Variants in IL12B observed in about 807,000 individuals in gnomAD.
IL12B encodes the protein interleukin-12 subunit beta.
A neutral mutation model predicts 39.2 loss-of-function variants in IL12B; 27 were observed. The ratio of observed to expected loss-of-function variants is 0.69; its 90% CI spans 0.51 to 0.95. IL12B has a LOEUF of 0.95. IL12B is among the 40% of genes least tolerant of loss of function. IL12B has a pLI of 0.00. For synonymous variants in IL12B, 142 were observed against 152.1 expected (o/e 0.93, Z 0.49); for missense variants, 351 against 397.6 (o/e 0.88, Z 1.00).
rs199527043 is a variant in IL12B at position 159,318,880 on chromosome 5, T to C, written c.711A>G (p.Pro237=). 3.1e-6 allele frequency: 5 copies of C among 1,614,022 alleles called. No individual in the cohort carries two copies. The highest frequency in any genetic ancestry group is 4.2e-6 in the Non-Finnish European group (5 of 1,179,982). ...ATGGCTTCAGCTGCAAGTTCTTGGG[T>C]GGGTCAGGTTTGACTGTGGAAGAGG... ...FFIRDIIKPD[P]PKNLQLKPLK... The change falls in exon 6 of 8, where the codon CCA becomes CCG. Residue 237 remains proline, a synonymous_variant. Transcript: ENST00000231228.
chr5:159,324,117 A>C (rs138210841), intron 2 of IL12B, among the ~76,000 whole-genome samples: 1 of 151,682 alleles, frequency 6.6e-6, no homozygotes, highest in Non-Finnish European at 1.5e-5. Flanking sequence ...TATTATTATT[A>C]TTTTTAGCTA....
At chr5:159,324,248 G>C (rs1478883401) in intron 2 of IL12B, among the ~76,000 whole-genome samples, 1 of 152,182 alleles carries the variant, frequency 6.6e-6, no homozygotes, top group Non-Finnish European at 1.5e-5. Flanking sequence ...CTACAGCTCA[G>C]ACCTTTTGTC....
chr5:159,319,382 A>G (rs1198643992), intron 5 of IL12B, among the ~76,000 whole-genome samples: 1 of 152,144 alleles, frequency 6.6e-6, no homozygotes, highest in Non-Finnish European at 1.5e-5. Context: ...GTTACAGTCA[A>G]TTGTCTCTAT....
In IL12B at chr5:159,317,040, G is replaced by A. The variant is rs890103497; in HGVS notation, c.856-224C>T. 2.6e-5 allele frequency among the ~76,000 whole-genome samples: 4 copies of A among 152,180 alleles called. No homozygotes were observed. In the South Asian group the frequency reaches 6.2e-4, roughly 24 times the overall value. On this transcript the variant is annotated intron_variant, in intron 6 of 7. Transcript: ENST00000231228. ...TTTGTAAGCCCTTGAGGGAGAAATC[G>A]TTTGGCCCAGCTTTCATCTTTCTAG...
chr5:159,329,603 T>A (rs1446702298), intron 1 of IL12B, among the ~76,000 whole-genome samples: 1 of 152,142 alleles, frequency 6.6e-6, no homozygotes, highest in Non-Finnish European at 1.5e-5. Flanking sequence ...CACAGAGGGA[T>A]TCCATGACTT....
chr5:159,322,939 TTGATGTTA>T, intron 3 of IL12B, 107 bp downstream of exon 3: 3 of 1,025,220 alleles, frequency 2.9e-6, no homozygotes, highest in Non-Finnish European at 4.5e-6. Flanking sequence ...AATAAGAGAC[TTGATGTTA>T]ATTCATTACA....
At chr5:159,322,291 T>C (rs1193568146) in intron 4 of IL12B, 103 bp downstream of exon 4, 11 of 822,482 alleles carry the variant, frequency 1.3e-5, no homozygotes, top group African/African-American at 3.3e-5. Flanking sequence ...TTGACTTTGC[T>C]TTTCCCATTA....
Position 159,326,754 on chromosome 5 carries a change from C to T in IL12B, c.29G>A (p.Trp10Ter). The T allele has an allele frequency of 2.5e-6, 4 of 1,612,770 alleles. No individual in the cohort carries two copies. The highest frequency in any genetic ancestry group is 3.4e-6 in the Non-Finnish European group (4 of 1,179,006). MCHQQLVIS[W>*]FSLVFLASPL... ...AGATGCCAGAAAAACCAGGGAAAAC[C>T]AAGAGATGACCAACTGCTGGTGACA... Residue 10 changes from tryptophan (W) to a stop codon, truncating the protein, a stop_gained, in exon 2 of 8, where the codon TGG becomes TAG. Transcript: ENST00000231228. LOFTEE classifies it high-confidence loss of function.
chr5:159,329,280 G>C (rs1439476032), intron 1 of IL12B, among the ~76,000 whole-genome samples: 2 of 152,142 alleles, frequency 1.3e-5, no homozygotes, highest in African/African-American at 4.8e-5. Flanking sequence ...AAGATCCCTA[G>C]TTTGAGGGCC....
chr5:159,321,695 A>C (rs1357590497), intron 4 of IL12B, among the ~76,000 whole-genome samples: 1 of 152,132 alleles, frequency 6.6e-6, no homozygotes, highest in Non-Finnish European at 1.5e-5. Context: ...ACATTTCTTT[A>C]GTAAGCATTT....
At chr5:159,328,629 G>T (rs1031342362) in intron 1 of IL12B, among the ~76,000 whole-genome samples, 4 of 152,180 alleles carry the variant, frequency 2.6e-5, no homozygotes, top group Admixed American at 1.3e-4. Context: ...GTGCACAGAG[G>T]TACTGCAATT....
Position 159,320,359 on chromosome 5 carries a change from A to G in IL12B, c.644T>C (p.Val215Ala). ...GTAGTTTTCATACTTGAGCTTGTGA[A>G]CGGCATCCACCATGACCTCAATGGG... ...SLPIEVMVDAVHKLKYENYTS... is the reference protein window; with the variant it reads ...SLPIEVMVDAAHKLKYENYTS... The change falls in exon 5 of 8, where the codon GTT becomes GCT. Residue 215 changes from valine (V) to alanine (A), a missense_variant. Physicochemically the swap from Val to Ala is moderately conservative, Grantham distance 64. Coordinates refer to ENST00000231228, the MANE Select transcript of IL12B (RefSeq NM_002187.3). 1 of 1,614,004 alleles carries G rather than the reference A, an allele frequency of 6.2e-7. No individual in the cohort carries two copies. The highest frequency in any genetic ancestry group is 8.5e-7 in the Non-Finnish European group (1 of 1,179,976).
In IL12B at chr5:159,323,063, C is replaced by A. The variant is rs748791854; in HGVS notation, c.355G>T (p.Asp119Tyr). 2 of 1,614,058 alleles carry A rather than the reference C, an allele frequency of 1.2e-6. No individual in the cohort carries two copies. The highest frequency in any genetic ancestry group is 2.2e-5 in the East Asian group (1 of 44,880). Residue 119 changes from aspartate to tyrosine, a missense_variant, in exon 3 of 8, where the codon GAC (aspartate) becomes TAC (tyrosine). Transcript: ENST00000231228. ...DGIWSTDILKDQKEPKNKTFL... is the reference protein window; with the variant it reads ...DGIWSTDILKYQKEPKNKTFL... ...AAGGGTATAGAATTACCTTTCTGGTCCTTTAAAATATCAGTGGACCAAATT... is the reference window on the plus strand; with the variant it reads ...AAGGGTATAGAATTACCTTTCTGGTACTTTAAAATATCAGTGGACCAAATT...
chr5:159,320,060 G>T (rs546920467), intron 5 of IL12B, among the ~76,000 whole-genome samples: 2 of 152,026 alleles, frequency 1.3e-5, no homozygotes, highest in African/African-American at 4.8e-5. Flanking sequence ...CTGTAGTGGA[G>T]TGGATCTGGA....
chr5:159,326,659 TG>T (rs1194052651), intron 2 of IL12B, 35 bp downstream of exon 2: 1 of 1,442,186 alleles, frequency 6.9e-7, no homozygotes, highest in South Asian at 1.1e-5. Context: ...GGCTTAGAAG[TG>T]GGGCCTCCAC....
intron 5 of IL12B, 26 bp downstream of exon 5, chr5:159,320,280 A>G: frequency 5.7e-6 from 9 of 1,580,836 alleles, no homozygotes; most frequent in Non-Finnish European, 7.8e-6. Flanking sequence ...TTCCTTATGG[A>G]GCACATATAA....
chr5:159,319,039 T>G (rs1009458305), intron 5 of IL12B, 146 bp from the exon 6 acceptor site: 6 of 747,930 alleles, frequency 8.0e-6, no homozygotes, highest in Non-Finnish European at 1.4e-5. Flanking sequence ...CTGGCAAATG[T>G]GAGGCACCTC....
Position 159,322,420 on chromosome 5 carries a change from C to T in IL12B, c.456G>A (p.Leu152=), listed in dbSNP as rs769025565. The T allele has an allele frequency of 1.9e-6, 3 of 1,610,988 alleles. No homozygotes were observed. In the Admixed American group the frequency reaches 5.0e-5, roughly 27 times the overall value. Residue 152 remains leucine, a synonymous_variant, in exon 4 of 8, where the codon TTG becomes TTA. Transcript: ENST00000231228. The part of the protein sequence containing the change: ...CWWLTTISTD[L]TFSVKSSRGS... ...CTCTGCTGCTTTTGACACTGAATGT[C>T]AAATCAGTACTGATTGTCGTCAGCC...
rs1421516253 is a variant in IL12B at position 159,322,430 on chromosome 5, C to G, written c.446G>C (p.Ser149Thr). 1.9e-6 allele frequency: 3 copies of G among 1,612,946 alleles called. No homozygotes were observed. The highest frequency in any genetic ancestry group is 2.5e-6 in the Non-Finnish European group (3 of 1,179,004). Residue 149 changes from serine to threonine, a missense_variant, in exon 4 of 8, where the codon AGT becomes ACT. Coordinates refer to ENST00000231228, the MANE Select transcript of IL12B (RefSeq NM_002187.3). ...TTTGACACTGAATGTCAAATCAGTA[C>G]TGATTGTCGTCAGCCACCAGCAGGT... is the stretch of plus-strand genomic sequence containing the variant. Reference protein sequence around the residue: ...RFTCWWLTTISTDLTFSVKSS... With the variant: ...RFTCWWLTTITTDLTFSVKSS...
Sources: allele counts gnomAD v4.1 joint callset (sites outside exome capture counted in the v4.1 genomes callset), GRCh38; gene constraint gnomAD v4.1.1; transcripts MANE v1.5; gene names NCBI Gene and HGNC (gene_info 2026-07-23, HGNC 2026-07-21).